The following ZNF148 variants were observed in gnomAD, a reference collection of about 807,000 sequenced individuals.
The protein encoded by ZNF148 is Beta-Enolase Repressor Factor-1.
Under a neutral mutation model 67.7 loss-of-function variants are expected in ZNF148, and 7 were observed. The ratio of observed to expected loss-of-function variants is 0.10; its 90% CI spans 0.06 to 0.19. The LOEUF is 0.19. ZNF148 is among the 10% of genes least tolerant of loss of function. The pLI is 1.00. For synonymous variants in ZNF148, 333 were observed against 330.7 expected, an observed-to-expected ratio of 1.01 and a Z score of -0.08; for missense variants, 583 against 947.1, an observed-to-expected ratio of 0.62 and a Z score of 5.05.
At chr3:125,348,847 A>G (rs1238199325) in intron 1 of ZNF148, among the ~76,000 whole-genome samples, 1 of 152,222 alleles carries the variant, frequency 6.6e-6, no homozygotes, top group East Asian at 1.9e-4. Context: ...CCTGATTTCA[A>G]AACACATTAA....
At position 125,226,683 on chromosome 3, in the gene ZNF148, G is replaced by A. The variant is rs907646954; in HGVS notation, c.*5658C>T. On this transcript the variant is annotated 3_prime_UTR_variant, in exon 9 of 9. Coordinates refer to ENST00000360647, the MANE Select transcript of ZNF148 (RefSeq NM_021964.3). ...CAATTCATTCATGGCATAATATAGGGTCAAGCAAGATTTTGTTTTTACAAT... is the reference window on the plus strand; with the variant it reads ...CAATTCATTCATGGCATAATATAGGATCAAGCAAGATTTTGTTTTTACAAT... The A allele has an allele frequency of 6.6e-6, 1 of 152,610 alleles. No homozygotes were observed. The highest frequency in any genetic ancestry group is 2.4e-5 in the African/African-American group (1 of 41,546). 9.5% of individuals were successfully genotyped at this position (152,610 alleles called of 1,614,324 possible). A position where few individuals can be genotyped will look rare whatever the true frequency, so the allele number is the denominator to read the frequency against.
In ZNF148 at chr3:125,248,297, T is replaced by C. The variant is rs562028870; in HGVS notation, c.668-13968A>G. Among the ~76,000 whole-genome samples, 5 of 152,326 alleles carry C rather than the reference T, an allele frequency of 3.3e-5. No homozygotes were observed. The East Asian group carries it at 9.6e-4, about 29-fold the overall frequency. On this transcript the variant is annotated intron_variant, in intron 7 of 8. Transcript: ENST00000360647. ...AACATTTTAAATTAGTCATGTCTAT[T>C]TCTGAACTTGATATAAGCCCCCCAA...
intron 1 of ZNF148, among the ~76,000 whole-genome samples, chr3:125,342,586 A>G (rs1323811299): frequency 2.0e-5 from 3 of 151,690 alleles, no homozygotes; most frequent in Non-Finnish European, 4.4e-5. Flanking sequence ...CAAATGAAGA[A>G]AAGTTAAAAA....
chr3:125,307,495 G>A (rs905700140), intron 4 of ZNF148, among the ~76,000 whole-genome samples: 17 of 152,028 alleles, frequency 1.1e-4, no homozygotes, highest in Admixed American at 3.9e-4. Flanking sequence ...TAGTTGAGAC[G>A]GGGTTTCACC....
At chr3:125,285,610 T>C (rs1353937362) in intron 5 of ZNF148, among the ~76,000 whole-genome samples, 2 of 151,908 alleles carry the variant, frequency 1.3e-5, no homozygotes, top group East Asian at 1.9e-4. Context: ...CCCAGGATGG[T>C]CTTGAACTCC....
chr3:125,305,981 C>T (rs931534215), intron 4 of ZNF148, among the ~76,000 whole-genome samples: 1 of 151,952 alleles, frequency 6.6e-6, no homozygotes, highest in Non-Finnish European at 1.5e-5. Context: ...GGGCAGAAAT[C>T]ATACAGCATA....
chr3:125,333,505 T>TTTC (rs1451910214), intron 1 of ZNF148, among the ~76,000 whole-genome samples: 1 of 142,460 alleles, frequency 7.0e-6, no homozygotes, highest in Non-Finnish European at 1.5e-5. Context: ...TCTATCCCCC[T>TTTC]TTCTTCTCTT....
At chr3:125,245,860 G>A (rs1429162912) in intron 7 of ZNF148, among the ~76,000 whole-genome samples, 1 of 152,154 alleles carries the variant, frequency 6.6e-6, no homozygotes, top group African/African-American at 2.4e-5. Context: ...ATCTGATCAT[G>A]TTTAAAGCAT....
chr3:125,231,303 A>G lies in ZNF148; in HGVS notation c.*1038T>C, dbSNP rs765505155. 3.3e-5 allele frequency: 5 copies of G among 152,536 alleles called. No homozygotes were observed. The highest frequency in any genetic ancestry group is 5.9e-5 in the Non-Finnish European group (4 of 67,950). The allele number at this position is 152,536 out of a possible 1,614,324, so 9.4% of individuals were successfully genotyped here. The stretch of plus-strand genomic sequence containing the variant: ...TCCAAAGATATCCCAATTTCCTTTT[A>G]TTGCCAAAAGTTAAAATTGTCAATT... On this transcript the variant is annotated 3_prime_UTR_variant, in exon 9 of 9. Transcript: ENST00000360647.
At chr3:125,248,315 C>T (rs1199216235) in intron 7 of ZNF148, among the ~76,000 whole-genome samples, 1 of 152,064 alleles carries the variant, frequency 6.6e-6, no homozygotes, top group Non-Finnish European at 1.5e-5. Context: ...TTGATATAAG[C>T]CCCCCAATTT....
At chr3:125,249,086 A>C (rs1936724147) in intron 7 of ZNF148, among the ~76,000 whole-genome samples, 1 of 152,234 alleles carries the variant, frequency 6.6e-6, no homozygotes. Flanking sequence ...TCCTTGAAGA[A>C]AGCATGGGAG....
chr3:125,232,597 G>C lies in ZNF148; in HGVS notation c.2129C>G (p.Thr710Ser). 1 of 1,613,824 alleles carries C rather than the reference G, an allele frequency of 6.2e-7. No homozygotes were observed. The change falls in exon 9 of 9, where the codon ACT becomes AGT. Residue 710 changes from threonine (T) to serine (S), a missense_variant. By Grantham distance (58) the Thr-to-Ser change is moderately conservative. Transcript: ENST00000360647. The surrounding 1 kb of genome is among the most constrained non-coding windows in gnomAD (Gnocchi z 4.2). ...TSTQDFLDQV[T>S]SQKKAEAQPV... ...CTGGGCCTCAGCTTTCTTCTGAGAAGTCACTTGATCCAGAAAGTCCTGTGT... is the reference window on the plus strand; with the variant it reads ...CTGGGCCTCAGCTTTCTTCTGAGAACTCACTTGATCCAGAAAGTCCTGTGT...
intron 1 of ZNF148, among the ~76,000 whole-genome samples, chr3:125,369,082 T>C (rs1942788522): frequency 1.3e-5 from 2 of 151,466 alleles, no homozygotes. Context: ...GCCAACATGG[T>C]GAAACCGTGT....
intron 7 of ZNF148, among the ~76,000 whole-genome samples, chr3:125,258,422 CAAAAAAAA>C (rs34739205): frequency 3.0e-4 from 17 of 56,294 alleles, no homozygotes; most frequent in African/African-American, 4.0e-4. Context: ...GACTCCATCT[CAAAAAAAA>C]AAAAAAAAAA....
chr3:125,267,130 T>G (rs918414818), intron 7 of ZNF148, among the ~76,000 whole-genome samples: 10 of 144,706 alleles, frequency 6.9e-5, no homozygotes, highest in African/African-American at 2.5e-4. Flanking sequence ...TTCTACCAAA[T>G]GTACAAAAGA....
chr3:125,265,425 T>C (rs1358127519), intron 7 of ZNF148, among the ~76,000 whole-genome samples: 2 of 152,252 alleles, frequency 1.3e-5, no homozygotes, highest in African/African-American at 4.8e-5. Context: ...CCAAACTCCC[T>C]TGGATTTGTC....
In ZNF148 at chr3:125,313,665, C is replaced by T. The variant is rs372207204; in HGVS notation, c.-16-9G>A. ...TGCTTAAGTATAACTGCCTAGAAAA[C>T]CAAGTTTGGCAACAAAACATAGTAA... is the stretch of plus-strand genomic sequence containing the variant. On this transcript the variant is annotated splice_polypyrimidine_tract_variant and intron_variant, in intron 3 of 8. Coordinates refer to ENST00000360647, the MANE Select transcript of ZNF148 (RefSeq NM_021964.3). 4.4e-6 allele frequency: 7 copies of T among 1,578,934 alleles called. No homozygotes were observed. The highest frequency in any genetic ancestry group is 1.4e-5 in the African/African-American group (1 of 73,818).
At chr3:125,288,874 G>A (rs1406408844) in intron 4 of ZNF148, among the ~76,000 whole-genome samples, 1 of 152,116 alleles carries the variant, frequency 6.6e-6, no homozygotes, top group East Asian at 1.9e-4. Context: ...CACTGTACAA[G>A]ACATGATGCT....
chr3:125,280,113 T>C (rs982340612), intron 5 of ZNF148, among the ~76,000 whole-genome samples: 2 of 152,200 alleles, frequency 1.3e-5, no homozygotes, highest in African/African-American at 4.8e-5. Flanking sequence ...AACATATTCC[T>C]AAGAATATTT....
Sources: allele counts gnomAD v4.1 joint callset (sites outside exome capture counted in the v4.1 genomes callset), GRCh38; gene constraint gnomAD v4.1.1; non-coding constraint Gnocchi (gnomAD v3.1); transcripts MANE v1.5; gene names NCBI Gene and HGNC (gene_info 2026-07-23, HGNC 2026-07-21).